The following CSRNP1 variants were observed in gnomAD, a reference collection of about 807,000 sequenced individuals.
CSRNP1 encodes cysteine/serine-rich nuclear protein 1.
CSRNP1 carries 8 observed loss-of-function variants against 25.0 expected under a neutral mutation model. That is an observed-to-expected ratio of 0.32 (90% CI 0.19 to 0.58). CSRNP1 has a LOEUF of 0.58. Among genes scored for constraint, CSRNP1 ranks in the 20% least tolerant of loss-of-function variants. CSRNP1 has a pLI of 0.88. For synonymous variants in CSRNP1, 305 were observed against 303.1 expected (o/e 1.01, Z -0.06); for missense variants, 691 against 773.1 (o/e 0.89, Z 1.26).
rs2039475908 is a variant in CSRNP1, at chr3:39,144,419, T to G, written c.498A>C (p.Ala166=). The change falls in exon 4 of 5, where the codon GCA becomes GCC. Residue 166 remains alanine, a synonymous_variant. Transcript: ENST00000273153. ...LSAAGVPQAE[A]GLPPVVDAID... ...TGGCATCCACCACAGGTGGCAGCCC[T>G]GCCTCTGCCTGGGGTACCCCAGCTG... The G allele has an allele frequency of 3.1e-6, 5 of 1,609,680 alleles. No homozygotes were observed. The highest frequency in any genetic ancestry group is 3.4e-6 in the Non-Finnish European group (4 of 1,177,202).
intron 1 of CSRNP1, chr3:39,150,888 A>C (rs894586831): frequency 1.3e-5 from 2 of 152,232 alleles, no homozygotes; most frequent in Non-Finnish European, 2.9e-5. Flanking sequence ...ATGAAATGAG[A>C]AATTACCTCC....
chr3:39,143,559 G>A lies in CSRNP1; in HGVS notation c.1266C>T (p.Cys422=), dbSNP rs1479311106. The A allele has an allele frequency of 6.2e-7, 1 of 1,614,212 alleles. No homozygotes were observed. Among genetic ancestry groups the A allele is most frequent in the Non-Finnish European group, 8.5e-7 (1 of 1,180,038 alleles). ...TACCAAAGATGTCAGCTGGATGGAA[G>A]CAGCTGAGGTTGTCCAGGTTCCCCA... The part of the protein sequence containing the change: ...GSVGNLDNLS[C]FHPADIFGTS... The change falls in exon 5 of 5, where the codon TGC becomes TGT. Residue 422 remains cysteine, a synonymous_variant. Transcript: ENST00000273153.
At position 39,143,590 on chromosome 3, in the gene CSRNP1, CCTTCCTCCT is replaced by C. The variant is rs749162328; in HGVS notation, c.1226_1234del (p.Glu409_Glu411del). On this transcript the variant is annotated inframe_deletion, in exon 5 of 5. Coordinates refer to ENST00000273153, the MANE Select transcript of CSRNP1 (RefSeq NM_033027.4). ...GAGGTTGTCCAGGTTCCCCACGCTC[CCTTCCTCCT>C]CTTCCTCCTCCTCCCCACCGAAGTC... The C allele has an allele frequency of 5.6e-6, 9 of 1,614,044 alleles. No homozygotes were observed. The highest frequency in any genetic ancestry group is 1.3e-5 in the African/African-American group (1 of 74,972).
rs117101328 is a variant in CSRNP1, at chr3:39,145,349, C to T, written c.206-93G>A. On this transcript the variant is annotated intron_variant, in intron 2 of 4. Transcript: ENST00000273153. ...CATGCCAGACTGCCCTCCCGCCTCC[C>T]ACCTTTTCCCTCCTCCCTCTCCACC... The T allele has an allele frequency of 1.1e-3, 1,463 of 1,387,764 alleles. 34 individuals carry two copies. In the East Asian group the frequency reaches 0.033, roughly 32 times the overall value. 86.0% of individuals were successfully genotyped at this position (1,387,764 alleles called of 1,614,324 possible).
At chr3:39,153,104 A>T (rs2125890084) in intron 1 of CSRNP1, 1 of 152,232 alleles carries the variant, frequency 6.6e-6, no homozygotes, top group South Asian at 2.1e-4. Flanking sequence ...TCAAAAGGAA[A>T]CTCACCCGCG....
intron 1 of CSRNP1, chr3:39,151,080 G>A (rs1395537977): frequency 6.6e-6 from 1 of 152,646 alleles, no homozygotes; most frequent in Non-Finnish European, 1.5e-5. Flanking sequence ...GTGTCAGACA[G>A]TGAGTCAGAG....
Position 39,153,569 on chromosome 3 carries a change from A to T in CSRNP1, c.-172T>A, listed in dbSNP as rs2039614752. ...CCGCCCCTCGCTCTGCGCGTCCGGC[A>T]GCGGCGGCGGCGGCGGGAGACTGCC... On this transcript the variant is annotated 5_prime_UTR_variant, in exon 1 of 5. Transcript: ENST00000273153. 6.5e-6 allele frequency: 1 copy of T among 153,926 alleles called. No homozygotes were observed. The highest frequency in any genetic ancestry group is 1.9e-4 in the East Asian group (1 of 5,186). 9.5% of individuals were successfully genotyped at this position (153,926 alleles called of 1,614,324 possible). A position where few individuals can be genotyped will look rare whatever the true frequency, so the allele number is the denominator to read the frequency against.
Position 39,143,895 on chromosome 3 carries a change from C to T in CSRNP1, c.930G>A (p.Arg310=). Residue 310 remains arginine (R), a synonymous_variant, in exon 5 of 5, where the codon AGG becomes AGA. Transcript: ENST00000273153. ...LQLEQEAESF[R]ELEAPAQGSP... ...TGCCCTGGGCAGGGGCCTCCAGCTC[C>T]CTAAAGCTCTCAGCCTCCTGTTCCA... 1 of 1,614,214 alleles carries T rather than the reference C, an allele frequency of 6.2e-7. No individual in the cohort carries two copies. Among genetic ancestry groups the T allele is most frequent in the African/African-American group, 1.3e-5 (1 of 75,064 alleles).
Position 39,143,079 on chromosome 3 carries a change from A to T in CSRNP1, c.1746T>A (p.Ser582=), listed in dbSNP as rs1433450492. ...DSQFEDTVPA[S]LMEPVPV ...CTCACACCGGCACAGGCTCCATTAG[A>T]GATGCTGGGACAGTGTCCTCAAACT... Residue 582 remains serine (S), a synonymous_variant, in exon 5 of 5, where the codon TCT becomes TCA. Coordinates refer to ENST00000273153, the MANE Select transcript of CSRNP1 (RefSeq NM_033027.4). The T allele has an allele frequency of 6.3e-7, 1 of 1,594,722 alleles. No individual in the cohort carries two copies. The highest frequency in any genetic ancestry group is 8.6e-7 in the Non-Finnish European group (1 of 1,167,204).
rs759995863 is a variant in CSRNP1, at chr3:39,146,630, G to A, written c.53C>T (p.Ser18Leu). ...AGAGGAAGAGGAGGAGGAGGAGACC[G>A]AGGAGTTGTCCTCATCCAGCTGGTC... ...KFDQLDEDNS[S>L]VSSSSSSSGC... Residue 18 changes from serine to leucine, a missense_variant, in exon 2 of 5, where the codon TCG (serine) becomes TTG (leucine). Physicochemically the swap from Ser to Leu is moderately radical, Grantham distance 145. Coordinates refer to ENST00000273153, the MANE Select transcript of CSRNP1 (RefSeq NM_033027.4). 11 of 1,572,674 alleles carry A rather than the reference G, an allele frequency of 7.0e-6. No homozygotes were observed. Among genetic ancestry groups the A allele is most frequent in the Admixed American group, 5.6e-5 (3 of 53,954 alleles).
chr3:39,152,278 C>A (rs1312184878), intron 1 of CSRNP1: 1 of 152,556 alleles, frequency 6.6e-6, no homozygotes, highest in Non-Finnish European at 1.5e-5. Context: ...GAGGCTGAGC[C>A]TGGGCTCCAG....
At chr3:39,147,390 A>C (rs1295419275) in intron 1 of CSRNP1, among the ~76,000 whole-genome samples, 2 of 151,940 alleles carry the variant, frequency 1.3e-5, no homozygotes, top group Non-Finnish European at 2.9e-5. Flanking sequence ...CTAGCCAGGC[A>C]CTCTGGGGAA....
chr3:39,143,269 T>C lies in CSRNP1; in HGVS notation c.1556A>G (p.His519Arg). ...GTCAGACACCTTCTGTGATGTGTAG[T>C]GAGGCCCCAGACTATAATCTGGCAG... ...QALPDYSLGP[H>R]YTSQKVSDSL... Residue 519 changes from histidine (H) to arginine (R), a missense_variant, in exon 5 of 5, where the codon CAC (histidine) becomes CGC (arginine). Coordinates refer to ENST00000273153, the MANE Select transcript of CSRNP1 (RefSeq NM_033027.4). 6.2e-7 allele frequency: 1 copy of C among 1,614,134 alleles called. No individual in the cohort carries two copies.
intron 1 of CSRNP1, 84 bp from the exon 2 acceptor site, chr3:39,146,806 A>C (rs1575577145): frequency 1.4e-6 from 2 of 1,479,002 alleles, no homozygotes; most frequent in Non-Finnish European, 9.0e-7. Flanking sequence ...CCTCCCACTT[A>C]CCCTCCAAGG....
chr3:39,145,631 A>C (rs1309662757), intron 2 of CSRNP1, among the ~76,000 whole-genome samples: 1 of 152,178 alleles, frequency 6.6e-6, no homozygotes, highest in South Asian at 2.1e-4. Flanking sequence ...TTTACAAGTT[A>C]ATGTTTATTG....
chr3:39,143,689 C>T lies in CSRNP1; in HGVS notation c.1136G>A (p.Gly379Asp). The change falls in exon 5 of 5, where the codon GGC (glycine) becomes GAC (aspartate). Residue 379 changes from glycine (G) to aspartate (D), a missense_variant. Transcript: ENST00000273153. The part of the protein sequence containing the change: ...PDCPTHPGLP[G>D]PGFQPGVDDD... ...ATCAACGCCAGGCTGGAAGCCAGGG[C>T]CAGGCAGGCCTGGGTGGGTGGGGCA... 6.2e-7 allele frequency: 1 copy of T among 1,614,210 alleles called. No homozygotes were observed.
rs750412215 is a variant in CSRNP1, at chr3:39,143,538, A to G, written c.1287T>C (p.Phe429=). ...CCAGGCCACCAGGGTCACTAGTACC[A>G]AAGATGTCAGCTGGATGGAAGCAGC... The part of the protein sequence containing the change: ...NLSCFHPADI[F]GTSDPGGLAS... Residue 429 remains phenylalanine, a synonymous_variant, in exon 5 of 5, where the codon TTT becomes TTC. Coordinates refer to ENST00000273153, the MANE Select transcript of CSRNP1 (RefSeq NM_033027.4). The G allele has an allele frequency of 6.2e-7, 1 of 1,614,210 alleles. No individual in the cohort carries two copies. The highest frequency in any genetic ancestry group is 1.7e-5 in the Admixed American group (1 of 60,030).
intron 2 of CSRNP1, 31 bp downstream of exon 2, chr3:39,146,441 GGCAGGT>G (rs1360158332): frequency 6.7e-7 from 1 of 1,485,636 alleles, no homozygotes; most frequent in Non-Finnish European, 9.0e-7. Context: ...CAGGAAGGCA[GGCAGGT>G]GATGGAGTTC....
At position 39,142,825 on chromosome 3, in the gene CSRNP1, G is replaced by A; in HGVS notation, c.*230C>T. 1 of 430,426 alleles carries A rather than the reference G, an allele frequency of 2.3e-6. No individual in the cohort carries two copies. Among genetic ancestry groups the A allele is most frequent in the African/African-American group, 2.0e-5 (1 of 50,062 alleles). The allele number at this position is 430,426 out of a possible 1,614,324, so 26.7% of individuals were successfully genotyped here. A position where few individuals can be genotyped will look rare whatever the true frequency, so the allele number is the denominator to read the frequency against. ...GATAGAAGAGCAAGCTGTGGGTGTG[G>A]GGGGCCGGGCAGCTGAAAGGGGAAG... On this transcript the variant is annotated 3_prime_UTR_variant, in exon 5 of 5. Transcript: ENST00000273153.
Sources: allele counts gnomAD v4.1 joint callset (sites outside exome capture counted in the v4.1 genomes callset), GRCh38; gene constraint gnomAD v4.1.1; transcripts MANE v1.5; gene names NCBI Gene and HGNC (gene_info 2026-07-23, HGNC 2026-07-21).